PIEZO2: variants seen among roughly 807,000 people sequenced by gnomAD.
The protein encoded by PIEZO2 is piezo-type mechanosensitive ion channel component 2.
Under a neutral mutation model 337.3 loss-of-function variants are expected in PIEZO2, and 172 were observed. That is an observed-to-expected ratio of 0.51 (90% CI 0.45 to 0.58). PIEZO2 has a LOEUF of 0.58. Among genes scored for constraint, PIEZO2 ranks in the 20% least tolerant of loss-of-function variants. The probability of loss-of-function intolerance (pLI) is 0.00; values close to 1 mark genes in which losing one functional copy is unlikely to be tolerated. For synonymous variants in PIEZO2, 1,251 were observed against 1,228.5 expected (o/e 1.02, Z -0.38); for missense variants, 3,028 against 3,391.3 (o/e 0.89, Z 2.66).
At chr18:10,981,411 T>C (rs1004244867) in intron 2 of PIEZO2, among the ~76,000 whole-genome samples, 1 of 152,176 alleles carries the variant, frequency 6.6e-6, no homozygotes, top group African/African-American at 2.4e-5. Flanking sequence ...AAATGCAAGA[T>C]TGTTTTCACT....
rs147592739 is a variant in PIEZO2 at position 10,936,693 on chromosome 18, G to C, written c.287-25465C>G. Among the ~76,000 whole-genome samples, 805 of 152,294 alleles carry C rather than the reference G, an allele frequency of 5.3e-3. 6 individuals carry two copies. The highest frequency in any genetic ancestry group is 0.019 in the African/African-American group (770 of 41,552). ...AGGAAGGAAACAGTCAGATGTCATCGCTTCAGGACAGGCAATCAAAAACAT... is the reference window on the plus strand; with the variant it reads ...AGGAAGGAAACAGTCAGATGTCATCCCTTCAGGACAGGCAATCAAAAACAT... On this transcript the variant is annotated intron_variant, in intron 3 of 55. Transcript: ENST00000674853.
At chr18:10,860,801 A>G (rs2041851875) in intron 5 of PIEZO2, among the ~76,000 whole-genome samples, 1 of 152,230 alleles carries the variant, frequency 6.6e-6, no homozygotes, top group Non-Finnish European at 1.5e-5. Flanking sequence ...TCTCTGATCA[A>G]GATGTCTTTG....
In PIEZO2 at chr18:10,954,295, T is replaced by C. The variant is rs1210304114; in HGVS notation, c.286+25240A>G. Among the ~76,000 whole-genome samples, 1 of 152,184 alleles carries C rather than the reference T, an allele frequency of 6.6e-6. No individual in the cohort carries two copies. The highest frequency in any genetic ancestry group is 1.5e-5 in the Non-Finnish European group (1 of 68,034). Reference sequence around the variant, plus strand: ...GAAAGGACATTTTAACAACAGTGAGTCTTCCAATCCATGAACACAATGTAT... The same window carrying C: ...GAAAGGACATTTTAACAACAGTGAGCCTTCCAATCCATGAACACAATGTAT... On this transcript the variant is annotated intron_variant, in intron 3 of 55. Coordinates refer to ENST00000674853, the MANE Select transcript of PIEZO2 (RefSeq NM_001378183.1). The surrounding 1 kb of genome is among the most constrained non-coding windows in gnomAD (Gnocchi z 4.2).
chr18:10,843,239 A>G (rs2144618183), intron 7 of PIEZO2, among the ~76,000 whole-genome samples: 1 of 152,256 alleles, frequency 6.6e-6, no homozygotes, highest in East Asian at 1.9e-4. Flanking sequence ...TTTCCAATAA[A>G]AAGTTTGATA....
intron 23 of PIEZO2, among the ~76,000 whole-genome samples, chr18:10,761,982 AC>A (rs1170022053): frequency 2.2e-4 from 33 of 152,216 alleles, no homozygotes; most frequent in African/African-American, 7.2e-4. Context: ...TTATTTTATT[AC>A]TTCTAGATGT....
chr18:10,909,255 A>AT (rs2030249772), intron 4 of PIEZO2, among the ~76,000 whole-genome samples: 1 of 152,340 alleles, frequency 6.6e-6, no homozygotes, highest in African/African-American at 2.4e-5. Context: ...AAACAGACAA[A>AT]TTCAGAAAGT....
chr18:11,140,457 C>CACCCT (rs1438518211), intron 1 of PIEZO2, among the ~76,000 whole-genome samples: 2 of 152,226 alleles, frequency 1.3e-5, no homozygotes, highest in African/African-American at 4.8e-5. Context: ...CATTATTCCA[C>CACCCT]ACCCTAATAC....
At chr18:11,000,174 C>T (rs1238967664) in intron 2 of PIEZO2, among the ~76,000 whole-genome samples, 3 of 152,172 alleles carry the variant, frequency 2.0e-5, no homozygotes, top group East Asian at 1.9e-4. Context: ...CATTTCCCCT[C>T]GAGTTCCTTC....
chr18:10,937,301 T>A (rs564562436), intron 3 of PIEZO2, among the ~76,000 whole-genome samples: 5 of 152,204 alleles, frequency 3.3e-5, no homozygotes, highest in Non-Finnish European at 7.3e-5. Flanking sequence ...TGAAATCTTC[T>A]TGGTTTTGAG....
intron 1 of PIEZO2, among the ~76,000 whole-genome samples, chr18:11,084,959 C>CA (rs1266593709): frequency 6.6e-6 from 1 of 152,258 alleles, no homozygotes; most frequent in Non-Finnish European, 1.5e-5. Flanking sequence ...CTCTTTGGTT[C>CA]ATCTGCTTCA....
chr18:11,051,376 G>GGTGT (rs1568330551), intron 2 of PIEZO2, among the ~76,000 whole-genome samples: 1 of 108,566 alleles, frequency 9.2e-6, no homozygotes, highest in South Asian at 2.8e-4. Context: ...TGTGGGTGTG[G>GGTGT]GTGTGGGTGT....
chr18:11,060,430 A>T (rs1489722536), intron 2 of PIEZO2, among the ~76,000 whole-genome samples: 1 of 152,196 alleles, frequency 6.6e-6, no homozygotes, highest in African/African-American at 2.4e-5. Context: ...AAGGAGATAG[A>T]GACCAAAAAA....
rs2144153651 is a variant in PIEZO2 at position 10,789,154 on chromosome 18, G to A, written c.2094C>T (p.Val698=). The stretch of plus-strand genomic sequence containing the variant: ...ACATTACGATTTTACCCTCGAAGCT[G>A]ACGAAGAAGAACATGCCTCCGCAGA... ...IYVCGGMFFF[V]SFEGKIVMYK... The change falls in exon 15 of 56, where the codon GTC becomes GTT. Residue 698 remains valine (V), a synonymous_variant. Transcript: ENST00000674853. 3 of 1,537,280 alleles carry A rather than the reference G, an allele frequency of 2.0e-6. No homozygotes were observed. Among genetic ancestry groups the A allele is most frequent in the Middle Eastern group, 1.7e-4 (1 of 5,990 alleles).
Position 10,855,469 on chromosome 18 carries a change from C to T in PIEZO2, c.801G>A (p.Leu267=), listed in dbSNP as rs1443905951. The stretch of plus-strand genomic sequence containing the variant: ...CCAGCAGAACACAGAGACAGCTGAA[C>T]AGCAATGGGTCGAACGTCCGGCACC... The part of the protein sequence containing the change: ...WSWCRTFDPL[L]FSCLCVLLAI... The change falls in exon 7 of 56, where the codon CTG becomes CTA. Residue 267 remains leucine, a synonymous_variant. Coordinates refer to ENST00000674853, the MANE Select transcript of PIEZO2 (RefSeq NM_001378183.1). The surrounding 1 kb of genome is among the most constrained non-coding windows in gnomAD (Gnocchi z 4.9). 3.3e-6 allele frequency: 5 copies of T among 1,537,140 alleles called. No homozygotes were observed. Among genetic ancestry groups the T allele is most frequent in the East Asian group, 4.9e-5 (2 of 40,910 alleles).
chr18:10,907,978 A>T (rs1241625483), intron 4 of PIEZO2, among the ~76,000 whole-genome samples: 1 of 152,248 alleles, frequency 6.6e-6, no homozygotes, highest in African/African-American at 2.4e-5. Flanking sequence ...CTATATTACA[A>T]CACACTTCTG....
chr18:10,789,637 G>C (rs1052417848), intron 14 of PIEZO2, among the ~76,000 whole-genome samples: 3 of 152,082 alleles, frequency 2.0e-5, no homozygotes, highest in Non-Finnish European at 2.9e-5. Flanking sequence ...TCCAGTGATA[G>C]CTTTAAGTAC....
chr18:10,768,561 C>T (rs1479446325), intron 21 of PIEZO2, among the ~76,000 whole-genome samples: 1 of 152,152 alleles, frequency 6.6e-6, no homozygotes, highest in Non-Finnish European at 1.5e-5. Context: ...ATGCTAGCAG[C>T]AGAAAGAGCA....
intron 3 of PIEZO2, among the ~76,000 whole-genome samples, chr18:10,965,262 C>T (rs1464937945): frequency 6.6e-6 from 1 of 152,230 alleles, no homozygotes. Flanking sequence ...CAGAGAGCTC[C>T]AGTTTCTCCA....
chr18:10,720,412 TG>T, intron 36 of PIEZO2, among the ~76,000 whole-genome samples: 1 of 10,594 alleles, frequency 9.4e-5, no homozygotes, highest in Admixed American at 1.7e-3. Flanking sequence ...TGTATGTGTA[TG>T]TGTATGTATA....
Sources: allele counts gnomAD v4.1 joint callset (sites outside exome capture counted in the v4.1 genomes callset), GRCh38; gene constraint gnomAD v4.1.1; non-coding constraint Gnocchi (gnomAD v3.1); transcripts MANE v1.5; gene names NCBI Gene and HGNC (gene_info 2026-07-23, HGNC 2026-07-21).